The following CA10 variants were observed in gnomAD, a reference collection of about 807,000 sequenced individuals.
CA10 encodes the protein carbonic anhydrase 10 (inactive), also known as carbonic anhydrase-related protein 10.
A neutral mutation model predicts 44.2 loss-of-function variants in CA10; 14 were observed. The ratio of observed to expected loss-of-function variants is 0.32; its 90% CI spans 0.21 to 0.50. The LOEUF is 0.50. CA10 is among the 20% of genes least tolerant of loss of function. The pLI is 0.99. For synonymous variants in CA10, 159 were observed against 141.6 expected (o/e 1.12, Z -0.87); for missense variants, 350 against 409.7 (o/e 0.85, Z 1.26).
chr17:51,952,820 C>T (rs1983535735), intron 2 of CA10, among the ~76,000 whole-genome samples: 1 of 152,124 alleles, frequency 6.6e-6, no homozygotes, highest in Admixed American at 6.5e-5. Flanking sequence ...TTATTTCATT[C>T]TTCCCAAAGC....
rs138865618 is a variant in CA10 at position 52,032,122 on chromosome 17, A to G, written c.136+40197T>C. 3.6e-3 allele frequency among the ~76,000 whole-genome samples: 542 copies of G among 152,294 alleles called. 1 individual carries two copies. The highest frequency in any genetic ancestry group is 0.012 in the African/African-American group (508 of 41,566). On this transcript the variant is annotated intron_variant, in intron 2 of 8. Coordinates refer to ENST00000451037, the MANE Select transcript of CA10 (RefSeq NM_020178.5). ...ATGCACAATTCTATGCTTACCCACT[A>G]TCACTACAGCCCAGTGAATGCTTTA...
chr17:51,948,249 T>C (rs1842389046), intron 2 of CA10, among the ~76,000 whole-genome samples: 1 of 152,174 alleles, frequency 6.6e-6, no homozygotes, highest in Non-Finnish European at 1.5e-5. Context: ...ATATTTCTGC[T>C]TTGTCAGCTC....
chr17:51,938,322 T>C (rs1454977683), intron 2 of CA10, among the ~76,000 whole-genome samples: 2 of 152,002 alleles, frequency 1.3e-5, no homozygotes, highest in Non-Finnish European at 1.5e-5. Context: ...TCCAACACTG[T>C]AGCATTCTCA....
At position 52,020,273 on chromosome 17, in the gene CA10, C is replaced by G. The variant is rs539839982; in HGVS notation, c.136+52046G>C. On this transcript the variant is annotated intron_variant, in intron 2 of 8. Transcript: ENST00000451037. ...AACAATGCAAGCTTCTTAGAAGCTTCAAATCCAATGATACCCTCTCCATAT... is the reference window on the plus strand; with the variant it reads ...AACAATGCAAGCTTCTTAGAAGCTTGAAATCCAATGATACCCTCTCCATAT... Among the ~76,000 whole-genome samples, 3 of 152,074 alleles carry G rather than the reference C, an allele frequency of 2.0e-5. No individual in the cohort carries two copies. In the South Asian group the frequency reaches 6.2e-4, roughly 32 times the overall value.
chr17:51,816,617 C>A (rs1009607503), intron 3 of CA10, among the ~76,000 whole-genome samples: 3 of 152,154 alleles, frequency 2.0e-5, no homozygotes, highest in East Asian at 1.9e-4. Flanking sequence ...TTTTCTAATA[C>A]AAATCAGAAA....
intron 2 of CA10, among the ~76,000 whole-genome samples, chr17:52,035,351 C>T (rs1986585685): frequency 8.0e-6 from 1 of 125,334 alleles, no homozygotes; most frequent in African/African-American, 2.5e-5. Flanking sequence ...TACCTACCCT[C>T]TCATCCGTCC....
intron 3 of CA10, among the ~76,000 whole-genome samples, chr17:51,853,908 C>T (rs1044842425): frequency 1.4e-4 from 22 of 152,308 alleles, no homozygotes; most frequent in Admixed American, 7.2e-4. Flanking sequence ...CCATGTGGAA[C>T]TGTGAGTCAA....
Position 51,976,947 on chromosome 17 carries a change from T to C in CA10, c.137-45815A>G, listed in dbSNP as rs561707465. Among the ~76,000 whole-genome samples the C allele has an allele frequency of 2.5e-3, 379 of 152,052 alleles. 2 individuals are homozygous for C. The highest frequency in any genetic ancestry group is 8.7e-3 in the African/African-American group (363 of 41,540). On this transcript the variant is annotated intron_variant, in intron 2 of 8. Coordinates refer to ENST00000451037, the MANE Select transcript of CA10 (RefSeq NM_020178.5). ...ATTATATAATTTTATGCTAATTAGT[T>C]TTACAATATAGATTAAACGGGCAGA... is the stretch of plus-strand genomic sequence containing the variant.
intron 3 of CA10, among the ~76,000 whole-genome samples, chr17:51,772,369 CTTA>C (rs1477280992): frequency 6.6e-6 from 1 of 152,026 alleles, no homozygotes; most frequent in Admixed American, 6.6e-5. Flanking sequence ...TATGCACTTG[CTTA>C]TTATTTTACA....
At chr17:52,126,225 A>G (rs1042253020) in intron 1 of CA10, among the ~76,000 whole-genome samples, 6 of 152,210 alleles carry the variant, frequency 3.9e-5, no homozygotes, top group Admixed American at 3.3e-4. Context: ...AAATGGTGCT[A>G]ATAATATCTG....
chr17:51,965,723 C>A (rs1984055988), intron 2 of CA10, among the ~76,000 whole-genome samples: 1 of 151,866 alleles, frequency 6.6e-6, no homozygotes, highest in African/African-American at 2.4e-5. Context: ...ATAATTAGAG[C>A]CATCTATCAC....
chr17:52,099,765 C>T (rs1988493418), intron 1 of CA10, among the ~76,000 whole-genome samples: 1 of 152,168 alleles, frequency 6.6e-6, no homozygotes, highest in Admixed American at 6.5e-5. Flanking sequence ...GAAAGACCAG[C>T]AAAGGAATTT....
At chr17:51,735,865 G>A (rs969221405) in intron 4 of CA10, among the ~76,000 whole-genome samples, 4 of 151,614 alleles carry the variant, frequency 2.6e-5, no homozygotes, top group African/African-American at 4.8e-5. Flanking sequence ...ATAAGTCCAC[G>A]GATTGAAATC....
chr17:51,958,529 G>A (rs571934465), intron 2 of CA10, among the ~76,000 whole-genome samples: 25 of 152,184 alleles, frequency 1.6e-4, no homozygotes, highest in African/African-American at 5.8e-4. Context: ...TTAAAGGCAA[G>A]AAGAAAAACA....
chr17:51,706,496 A>T (rs1280432934), intron 4 of CA10, among the ~76,000 whole-genome samples: 2 of 152,198 alleles, frequency 1.3e-5, no homozygotes, highest in African/African-American at 4.8e-5. Context: ...GCCCTGGTTC[A>T]AGCTATCAGC....
intron 2 of CA10, among the ~76,000 whole-genome samples, chr17:51,958,002 T>C (rs1364762898): frequency 6.6e-6 from 1 of 151,932 alleles, no homozygotes; most frequent in Non-Finnish European, 1.5e-5. Flanking sequence ...GTCTGACAAA[T>C]AGTCTCGTAA....
At chr17:52,078,691 G>C (rs1199985178) in intron 1 of CA10, among the ~76,000 whole-genome samples, 1 of 152,182 alleles carries the variant, frequency 6.6e-6, no homozygotes, top group African/African-American at 2.4e-5. Flanking sequence ...TTCCTTGCAT[G>C]GCCAATTTTG....
At chr17:51,900,189 C>A (rs373545871) in intron 3 of CA10, among the ~76,000 whole-genome samples, 5 of 152,242 alleles carry the variant, frequency 3.3e-5, no homozygotes, top group African/African-American at 1.2e-4. Flanking sequence ...CCATATTTAG[C>A]ATTCCCTTAA....
At chr17:52,016,542 C>T (rs974807858) in intron 2 of CA10, among the ~76,000 whole-genome samples, 2 of 152,018 alleles carry the variant, frequency 1.3e-5, no homozygotes, top group African/African-American at 4.8e-5. Flanking sequence ...GGGGGTGGAT[C>T]CTCATAAATG....
Sources: allele counts gnomAD v4.1 joint callset (sites outside exome capture counted in the v4.1 genomes callset), GRCh38; gene constraint gnomAD v4.1.1; transcripts MANE v1.5; gene names NCBI Gene and HGNC (gene_info 2026-07-23, HGNC 2026-07-21).